The following EFHD1 variants were observed in gnomAD, a reference collection of about 807,000 sequenced individuals.
The protein encoded by EFHD1 is EF-hand domain-containing protein D1.
Under a neutral mutation model 17.2 loss-of-function variants are expected in EFHD1, and 10 were observed. The observed-to-expected ratio is 0.58, with a 90% confidence interval of 0.36 to 0.99. The LOEUF (loss-of-function observed/expected upper bound fraction) is 0.99, where lower values mean the gene tolerates loss of function less well. Ranked by LOEUF, EFHD1 falls within the 50% of genes least tolerant of loss-of-function variation. The pLI is 0.01. For missense variants in EFHD1, 310 were observed against 327.5 expected (o/e 0.95, Z 0.41); for synonymous variants, 153 against 142.0 (o/e 1.08, Z -0.55).
chr2:232,673,681 C>T (rs748796981), intron 3 of EFHD1, among the ~76,000 whole-genome samples: 5 of 151,932 alleles, frequency 3.3e-5, no homozygotes, highest in Non-Finnish European at 2.9e-5. Context: ...TATAATTTAT[C>T]GTTTCAAGGC....
At chr2:232,660,096 G>T (rs1457049630) in intron 1 of EFHD1, among the ~76,000 whole-genome samples, 2 of 152,164 alleles carry the variant, frequency 1.3e-5, no homozygotes, top group African/African-American at 2.4e-5. Context: ...ATGAGATTTG[G>T]TGGGGATGCA....
chr2:232,667,267 C>CGCT (rs1694984200), intron 2 of EFHD1, among the ~76,000 whole-genome samples: 1 of 152,116 alleles, frequency 6.6e-6, no homozygotes, highest in African/African-American at 2.4e-5. Flanking sequence ...ATGGATGGAC[C>CGCT]GCTGGTCTGA....
rs1487943804 is a variant in EFHD1 at position 232,613,665 on chromosome 2, C to CACACACACAAAT, written c.14+7499_14+7500insCAAATACACACA. Among the ~76,000 whole-genome samples, 393 of 151,620 alleles carry CACACACACAAAT rather than the reference C, an allele frequency of 2.6e-3. 2 individuals carry two copies. The highest frequency in any genetic ancestry group is 0.021 in the Middle Eastern group (6 of 292). On this transcript the variant is annotated intron_variant, in intron 1 of 3. Transcript: ENST00000409613. ...ACACATACACACACACACAAATACA[C>CACACACACAAAT]ACACACAAATATACACACATACACA...
At position 232,660,416 on chromosome 2, in the gene EFHD1, G is replaced by C. The variant is rs532152591; in HGVS notation, c.303-2386G>C. 1.1e-3 allele frequency among the ~76,000 whole-genome samples: 169 copies of C among 151,444 alleles called. 1 individual carries two copies. The highest frequency in any genetic ancestry group is 6.7e-4 in the Non-Finnish European group (45 of 67,662). ...TCACCGTGTTAGCCAGGATGGTCTC[G>C]ATCTTGTTCTCCTGACCTCGTGATC... On this transcript the variant is annotated intron_variant, in intron 1 of 3. Transcript: ENST00000264059.
At chr2:232,613,782 A>G (rs1364677676) in intron 1 of EFHD1, among the ~76,000 whole-genome samples, 4 of 150,230 alleles carry the variant, frequency 2.7e-5, no homozygotes, top group Non-Finnish European at 5.9e-5. Context: ...ACACAAATAT[A>G]CACACACATA....
chr2:232,672,393 G>C lies in EFHD1; in HGVS notation c.535G>C (p.Asp179His). The C allele has an allele frequency of 1.2e-6, 2 of 1,613,912 alleles. No individual in the cohort carries two copies. The highest frequency in any genetic ancestry group is 2.2e-5 in the South Asian group (2 of 91,044). Reference protein sequence around the residue: ...LMALAKLSEIDVALEGVKGAK... With the variant: ...LMALAKLSEIHVALEGVKGAK... ...GGCGCTGGCAAAGCTTTCTGAGATC[G>C]ATGTGGCCCTGGAGGGTGTCAAAGG... The change falls in exon 3 of 4, where the codon GAT becomes CAT. Residue 179 changes from aspartate to histidine, a missense_variant. By Grantham distance (81) the Asp-to-His change is moderately conservative. Coordinates refer to ENST00000264059, the MANE Select transcript of EFHD1 (RefSeq NM_025202.4).
Position 232,644,196 on chromosome 2 carries a change from GCCTCAC to G in EFHD1, c.302+10195_302+10200del, listed in dbSNP as rs58928691. Among the ~76,000 whole-genome samples the G allele has an allele frequency of 7.7e-3, 1,178 of 152,218 alleles. 15 individuals carry two copies. Among genetic ancestry groups the G allele is most frequent in the African/African-American group, 0.026 (1,092 of 41,524 alleles). The stretch of plus-strand genomic sequence containing the variant: ...TGGGTTTGGAGGGCTTGATCATTCT[GCCTCAC>G]CCTCCTGACTGCTCACTGTCTTAGA... On this transcript the variant is annotated intron_variant, in intron 1 of 3. Transcript: ENST00000264059.
chr2:232,626,058 T>C (rs553671709), intron 1 of EFHD1, among the ~76,000 whole-genome samples: 1 of 151,960 alleles, frequency 6.6e-6, no homozygotes, highest in Non-Finnish European at 1.5e-5. Flanking sequence ...GTTGGTGGCA[T>C]GTACCTGTCT....
chr2:232,648,819 C>G (rs1694582006), intron 1 of EFHD1, among the ~76,000 whole-genome samples: 1 of 152,136 alleles, frequency 6.6e-6, no homozygotes. Context: ...GGGCCAGCGC[C>G]TGGCTGTTGA....
upstream of EFHD1, among the ~76,000 whole-genome samples, chr2:232,629,562 G>A (rs1464022678): frequency 2.0e-5 from 3 of 151,338 alleles, no homozygotes; most frequent in Non-Finnish European, 2.9e-5. Context: ...TCCGCCTCCC[G>A]AGTTCAAGCG....
chr2:232,651,037 C>T (rs16829377), intron 1 of EFHD1, among the ~76,000 whole-genome samples: 1 of 152,086 alleles, frequency 6.6e-6, no homozygotes. Flanking sequence ...AAAGGAAAGA[C>T]GGTGATCATT....
At chr2:232,607,049 T>C (rs1693727596) in intron 1 of EFHD1, among the ~76,000 whole-genome samples, 1 of 151,484 alleles carries the variant, frequency 6.6e-6, no homozygotes, top group South Asian at 2.1e-4. Context: ...CAGGCTGCAG[T>C]GGCGCGATCA....
chr2:232,617,842 C>T (rs547444334), intron 1 of EFHD1, among the ~76,000 whole-genome samples: 5 of 145,548 alleles, frequency 3.4e-5, no homozygotes, highest in East Asian at 2.1e-4. Context: ...CCAGCTACTC[C>T]GGAGGCTGAG....
intron 1 of EFHD1, among the ~76,000 whole-genome samples, chr2:232,640,803 C>T (rs1370533754): frequency 1.3e-5 from 2 of 152,104 alleles, no homozygotes; most frequent in East Asian, 1.9e-4. Context: ...GGCTCCTGGT[C>T]GTTCTGGGCA....
upstream of EFHD1, chr2:232,633,210 G>T (rs183179986): frequency 0.012 from 1,832 of 154,234 alleles, 42 homozygotes; most frequent in African/African-American, 0.042. Flanking sequence ...TGTCGCTCGG[G>T]GGCGCTCGCC....
intron 1 of EFHD1, among the ~76,000 whole-genome samples, chr2:232,625,987 C>T (rs573720039): frequency 3.3e-5 from 5 of 151,670 alleles, no homozygotes; most frequent in African/African-American, 9.7e-5. Flanking sequence ...GCTCAAGGTT[C>T]CAGATCAACC....
intron 1 of EFHD1, among the ~76,000 whole-genome samples, chr2:232,640,843 G>A (rs577452917): frequency 4.3e-4 from 66 of 152,292 alleles, no homozygotes. Context: ...ACCAAGGACT[G>A]TGAAGGGATT....
chr2:232,638,886 G>C (rs1684425790), intron 1 of EFHD1, among the ~76,000 whole-genome samples: 1 of 152,174 alleles, frequency 6.6e-6, no homozygotes, highest in African/African-American at 2.4e-5. Flanking sequence ...TGAATTGGGG[G>C]GTAGGGTAAG....
At chr2:232,636,031 C>T (rs1694312701) in intron 1 of EFHD1, among the ~76,000 whole-genome samples, 2 of 152,236 alleles carry the variant, frequency 1.3e-5, no homozygotes. Context: ...CGCTTAGGTG[C>T]TGCCATCAGT....
Sources: allele counts gnomAD v4.1 joint callset (sites outside exome capture counted in the v4.1 genomes callset), GRCh38; gene constraint gnomAD v4.1.1; transcripts MANE v1.5; gene names NCBI Gene and HGNC (gene_info 2026-07-23, HGNC 2026-07-21).